VPS33B: variants seen among roughly 807,000 people sequenced by gnomAD.
The protein encoded by VPS33B is vacuolar protein sorting-associated protein 33B.
A neutral mutation model predicts 95.3 loss-of-function variants in VPS33B; 80 were observed. The observed-to-expected ratio is 0.84, with a 90% CI of 0.70 to 1.01. The LOEUF is 1.01. VPS33B is among the 50% of genes least tolerant of loss of function. The pLI, the probability that VPS33B is intolerant of heterozygous loss-of-function variation, is 0.00. For missense variants in VPS33B, 715 were observed against 773.4 expected, an observed-to-expected ratio of 0.92 and a Z score of 0.90; for synonymous variants, 280 against 280.4, an observed-to-expected ratio of 1.00 and a Z score of 0.01.
Position 91,007,948 on chromosome 15 carries a change from T to C in VPS33B, c.420A>G (p.Glu140=), listed in dbSNP as rs771575321. The change falls in exon 7 of 23, where the codon GAA becomes GAG. Residue 140 remains glutamate, a synonymous_variant. Transcript: ENST00000333371. This position sits in a 1 kb window ranked among gnomAD's most constrained non-coding sequence, Gnocchi z 5.3. ...CAAGAGGCAGCAAAGAGAAGGCCCA[T>C]TCATCACAGCTCACATCTGTGGGGA... is the stretch of plus-strand genomic sequence containing the variant. ...EGIYGDVSCD[E]WAFSLLPLDV... The C allele has an allele frequency of 4.3e-6, 7 of 1,614,068 alleles. No homozygotes were observed. The highest frequency in any genetic ancestry group is 5.9e-6 in the Non-Finnish European group (7 of 1,180,040).
At position 91,000,896 on chromosome 15, in the gene VPS33B, T is replaced by C. The variant is rs1419189276; in HGVS notation, c.1480-305A>G. On this transcript the variant is annotated intron_variant, in intron 19 of 22. Coordinates refer to ENST00000333371, the MANE Select transcript of VPS33B (RefSeq NM_018668.5). The surrounding 1 kb of genome is among the most constrained non-coding windows in gnomAD (Gnocchi z 4.9). ...TGTCACTGAAGCAGCACTTAGAATATTCTCTGGCATTGGCAGGTGCTTGTT... is the reference window on the plus strand; with the variant it reads ...TGTCACTGAAGCAGCACTTAGAATACTCTCTGGCATTGGCAGGTGCTTGTT... 2.4e-6 allele frequency: 1 copy of C among 418,050 alleles called. No homozygotes were observed. The highest frequency in any genetic ancestry group is 4.5e-6 in the Non-Finnish European group (1 of 223,114). 25.9% of individuals were successfully genotyped at this position (418,050 alleles called of 1,614,324 possible).
chr15:91,011,952 GCACTC>G lies in VPS33B; in HGVS notation c.357+1847_357+1851del, dbSNP rs1288103101. On this transcript the variant is annotated intron_variant, in intron 5 of 22. Coordinates refer to ENST00000333371, the MANE Select transcript of VPS33B (RefSeq NM_018668.5). The surrounding 1 kb of genome is among the most constrained non-coding windows in gnomAD (Gnocchi z 5.5). Reference sequence around the variant, plus strand: ...TGCAGTGAGTCGAGATTGCGGCACTGCACTCCAGTCTGGGTGACAGAGCAATGCAC... The same window carrying G: ...TGCAGTGAGTCGAGATTGCGGCACTGCAGTCTGGGTGACAGAGCAATGCAC... Among the ~76,000 whole-genome samples the G allele has an allele frequency of 6.6e-6, 1 of 151,920 alleles. No individual in the cohort carries two copies. Among genetic ancestry groups the G allele is most frequent in the African/African-American group, 2.4e-5 (1 of 41,304 alleles).
chr15:91,021,836 G>T (rs928402227), intron 1 of VPS33B, among the ~76,000 whole-genome samples: 5 of 152,204 alleles, frequency 3.3e-5, no homozygotes, highest in African/African-American at 7.2e-5. Flanking sequence ...GATAATTTGT[G>T]CTTCATACAG....
Position 91,002,068 on chromosome 15 carries a change from C to T in VPS33B, c.1387G>A (p.Val463Met), listed in dbSNP as rs2040454154. 3 of 1,613,998 alleles carry T rather than the reference C, an allele frequency of 1.9e-6. No homozygotes were observed. Among genetic ancestry groups the T allele is most frequent in the Non-Finnish European group, 2.5e-6 (3 of 1,180,056 alleles). The change falls in exon 18 of 23, where the codon GTG becomes ATG. Residue 463 changes from valine (V) to methionine (M), a missense_variant. Physicochemically the swap from Val to Met is conservative, Grantham distance 21. Transcript: ENST00000333371. The surrounding 1 kb of genome is among the most constrained non-coding windows in gnomAD (Gnocchi z 4.7). ...TGCTTACCTGCAGCCTTGTCGGTCA[C>T]CAGCTTGCTCACTTTACTCTCCACG... is the stretch of plus-strand genomic sequence containing the variant. ...TAVESKVSKL[V>M]TDKAAGKITD...
In VPS33B at chr15:91,014,381, CACTG is replaced by C; in HGVS notation, c.288_289+2del. Reference sequence around the variant, plus strand: ...GTTACACATAGTACCATGGCACACTCACTGGCAATGTATCGCATATTCTTGATGC... The same window carrying C: ...GTTACACATAGTACCATGGCACACTCGCAATGTATCGCATATTCTTGATGC... On this transcript the variant is annotated splice_donor_variant and coding_sequence_variant, in exon 4 of 23. Coordinates refer to ENST00000333371, the MANE Select transcript of VPS33B (RefSeq NM_018668.5). LOFTEE classifies it high-confidence loss of function. 1 of 1,614,084 alleles carries C rather than the reference CACTG, an allele frequency of 6.2e-7. No homozygotes were observed. The highest frequency in any genetic ancestry group is 2.2e-5 in the East Asian group (1 of 44,884).
chr15:91,009,801 C>T lies in VPS33B; in HGVS notation c.403G>A (p.Asp135Asn), dbSNP rs369726600. The T allele has an allele frequency of 9.3e-6, 15 of 1,614,026 alleles. No individual in the cohort carries two copies. The African/African-American group carries it at 1.6e-4, about 17-fold the overall frequency. ...MVLEEEGIYG[D>N]VSCDEWAFSL... ...TCCACTCACATTCATCTCCTCTCAC[C>T]TCCATAGATTCCCTCTTCCTCAAGC... Residue 135 changes from aspartate to asparagine, a missense_variant and splice_region_variant, in exon 6 of 23, where the codon GAT becomes AAT. Transcript: ENST00000333371. The surrounding 1 kb of genome is among the most constrained non-coding windows in gnomAD (Gnocchi z 4.1).
Position 91,013,355 on chromosome 15 carries a change from T to C in VPS33B, c.357+449A>G, listed in dbSNP as rs1293101353. Among the ~76,000 whole-genome samples the C allele has an allele frequency of 6.6e-6, 1 of 152,220 alleles. No individual in the cohort carries two copies. Among genetic ancestry groups the C allele is most frequent in the African/African-American group, 2.4e-5 (1 of 41,454 alleles). Reference sequence around the variant, plus strand: ...CATAATTTGCTTTGAGGGAGTGCTATGGTTTGAATGTGTCTCCCAAAAGTT... The same window carrying C: ...CATAATTTGCTTTGAGGGAGTGCTACGGTTTGAATGTGTCTCCCAAAAGTT... On this transcript the variant is annotated intron_variant, in intron 5 of 22. Transcript: ENST00000333371. The surrounding 1 kb of genome is among the most constrained non-coding windows in gnomAD (Gnocchi z 4.5).
chr15:91,003,641 T>C (rs2040509919), intron 16 of VPS33B, among the ~76,000 whole-genome samples: 1 of 152,112 alleles, frequency 6.6e-6, no homozygotes, highest in Non-Finnish European at 1.5e-5. Context: ...GGTTTCACTA[T>C]GTTGGTCAGG....
intron 3 of VPS33B, among the ~76,000 whole-genome samples, chr15:91,016,187 G>A (rs557656957): frequency 6.6e-6 from 1 of 152,208 alleles, no homozygotes; most frequent in African/African-American, 2.4e-5. Context: ...AGAGCGAATG[G>A]AGTGATGAAA....
Position 91,005,093 on chromosome 15 carries a change from C to T in VPS33B, c.1132G>A (p.Glu378Lys). The change falls in exon 15 of 23, where the codon GAG (glutamate) becomes AAG (lysine). Residue 378 changes from glutamate (E) to lysine (K), a missense_variant. Glu to Lys is a moderately conservative substitution (Grantham distance 56). Transcript: ENST00000333371. The surrounding 1 kb of genome is among the most constrained non-coding windows in gnomAD (Gnocchi z 6.4). Reference protein sequence around the residue: ...HALLEGFNIRESTSYIEEHID... With the variant: ...HALLEGFNIRKSTSYIEEHID... The stretch of plus-strand genomic sequence containing the variant: ...TGTTCCTCAATGTAGCTGGTGCTCT[C>T]CCGGATGTTGAACCCCTCTAGCAGT... 1.9e-6 allele frequency: 3 copies of T among 1,614,236 alleles called. No individual in the cohort carries two copies. The highest frequency in any genetic ancestry group is 2.5e-6 in the Non-Finnish European group (3 of 1,180,052).
At chr15:91,014,530 G>A (rs2040870522) in intron 3 of VPS33B, 97 bp from the exon 4 acceptor site, 1 of 1,384,264 alleles carries the variant, frequency 7.2e-7, no homozygotes, top group Non-Finnish European at 1.0e-6. Context: ...TTTGCCATTT[G>A]CCCTACAGGT....
At position 91,010,892 on chromosome 15, in the gene VPS33B, A is replaced by G. The variant is rs919743459; in HGVS notation, c.358-1046T>C. On this transcript the variant is annotated intron_variant, in intron 5 of 22. Coordinates refer to ENST00000333371, the MANE Select transcript of VPS33B (RefSeq NM_018668.5). This position sits in a 1 kb window ranked among gnomAD's most constrained non-coding sequence, Gnocchi z 5.7. The stretch of plus-strand genomic sequence containing the variant: ...ATTTGACAACGGAGACCTGAGGGAG[A>G]CTAGATGAAACGATGAAGGTGGAGA... 1.1e-4 allele frequency among the ~76,000 whole-genome samples: 16 copies of G among 152,190 alleles called. No homozygotes were observed. The highest frequency in any genetic ancestry group is 3.9e-4 in the African/African-American group (16 of 41,444).
rs1405837882 is a variant in VPS33B at position 91,000,841 on chromosome 15, TC to T, written c.1480-251del. 8.2e-5 allele frequency: 40 copies of T among 488,476 alleles called. No individual in the cohort carries two copies. Among genetic ancestry groups the T allele is most frequent in the African/African-American group, 7.2e-4 (37 of 51,192 alleles). 30.3% of individuals were successfully genotyped at this position (488,476 alleles called of 1,614,324 possible). ...GGGGCTGGAGGGATGGCTTCTCCTTTCCCTACCCTTAAGTGACACAGGATAT... is the reference window on the plus strand; with the variant it reads ...GGGGCTGGAGGGATGGCTTCTCCTTTCCTACCCTTAAGTGACACAGGATAT... On this transcript the variant is annotated intron_variant, in intron 19 of 22. Transcript: ENST00000333371. This position sits in a 1 kb window ranked among gnomAD's most constrained non-coding sequence, Gnocchi z 4.9.
rs1279163428 is a variant in VPS33B, at chr15:90,998,992, T to A, written c.1837A>T (p.Ser613Cys). 8.1e-6 allele frequency: 13 copies of A among 1,614,004 alleles called. No homozygotes were observed. In the African/African-American group the frequency reaches 1.1e-4, roughly 13 times the overall value. The change falls in exon 23 of 23, where the codon AGT becomes TGT. Residue 613 changes from serine to cysteine, a missense_variant. Ser to Cys is a moderately radical substitution (Grantham distance 112, BLOSUM62 -1). Transcript: ENST00000333371. This position sits in a 1 kb window ranked among gnomAD's most constrained non-coding sequence, Gnocchi z 4.8. ...GAAAAACATCAGGCTTTCACCTCAC[T>A]CATGGCCTCCATAAGGCGAGCGCTG... ...TNSARLMEAM[S>C]EVKA
Position 91,001,409 on chromosome 15 carries a change from T to C in VPS33B, c.1459A>G (p.Ile487Val). Residue 487 changes from isoleucine to valine, a missense_variant, in exon 19 of 23, where the codon ATC (isoleucine) becomes GTC (valine). By Grantham distance (29) the Ile-to-Val change is conservative. Transcript: ENST00000333371. ...CATACCAAATTCAGCTTTTTGCTGATGGCACGAAAATTGCTCCTCTTGGCC... is the reference window on the plus strand; with the variant it reads ...CATACCAAATTCAGCTTTTTGCTGACGGCACGAAAATTGCTCCTCTTGGCC... Reference protein sequence around the residue: ...SLAKRSNFRAISKKLNLIPRV... With the variant: ...SLAKRSNFRAVSKKLNLIPRV... The C allele has an allele frequency of 6.2e-7, 1 of 1,613,976 alleles. No individual in the cohort carries two copies. Among genetic ancestry groups the C allele is most frequent in the Non-Finnish European group, 8.5e-7 (1 of 1,179,922 alleles).
At chr15:91,016,470 G>A (rs569267555) in intron 3 of VPS33B, among the ~76,000 whole-genome samples, 53 of 137,738 alleles carry the variant, frequency 3.8e-4, no homozygotes, top group Admixed American at 3.0e-3. Flanking sequence ...GCAACTCATC[G>A]CCTCCCGGGT....
Position 91,013,093 on chromosome 15 carries a change from C to T in VPS33B, c.357+711G>A, listed in dbSNP as rs2040823934. 6.6e-6 allele frequency among the ~76,000 whole-genome samples: 1 copy of T among 152,142 alleles called. No individual in the cohort carries two copies. The highest frequency in any genetic ancestry group is 1.5e-5 in the Non-Finnish European group (1 of 68,032). ...TTAAAGGGATACAGGGAGAAAGTCA[C>T]TGGAAAGCCGTAACATTGTGCACCA... On this transcript the variant is annotated intron_variant, in intron 5 of 22. Coordinates refer to ENST00000333371, the MANE Select transcript of VPS33B (RefSeq NM_018668.5). This position sits in a 1 kb window ranked among gnomAD's most constrained non-coding sequence, Gnocchi z 4.5.
chr15:91,008,331 C>G (rs958520328), intron 6 of VPS33B, among the ~76,000 whole-genome samples: 3 of 152,198 alleles, frequency 2.0e-5, no homozygotes, highest in Non-Finnish European at 4.4e-5. Context: ...ATGGTGCAGT[C>G]TCGGCTCACT....
chr15:91,017,180 C>A, intron 2 of VPS33B, 156 bp from the exon 3 acceptor site: 1 of 694,538 alleles, frequency 1.4e-6, no homozygotes, highest in Admixed American at 2.2e-5. Context: ...GACCATCCCA[C>A]TGAATTTTCC....
Sources: gnomAD v4.1 joint callset for allele counts (sites outside exome capture counted in the v4.1 genomes callset) on GRCh38, gnomAD v4.1.1 for gene constraint, Gnocchi (gnomAD v3.1) non-coding constraint, MANE v1.5 for transcripts, NCBI Gene and HGNC (gene_info 2026-07-23, HGNC 2026-07-21) for gene names.